Variants in MPV17 observed in about 807,000 individuals in gnomAD.
The protein encoded by MPV17 is mitochondrial inner membrane protein MPV17.
MPV17 carries 31 observed loss-of-function variants against 28.6 expected under a neutral mutation model. The ratio of observed to expected loss-of-function variants is 1.08; its 90% CI spans 0.81 to 1.46. MPV17 has a LOEUF of 1.46. Among genes scored for constraint, MPV17 ranks in the 40% most tolerant of loss-of-function variants. MPV17 has a pLI of 0.00. For missense variants in MPV17, 198 were observed against 216.2 expected (o/e 0.92, Z 0.53); for synonymous variants, 87 against 85.3 (o/e 1.02, Z -0.11).
chr2:27,310,028 G>A, intron 7 of MPV17, 47 bp from the exon 8 acceptor site: 1 of 1,447,412 alleles, frequency 6.9e-7, no homozygotes. Flanking sequence ...GCTAAGCAGT[G>A]AGCAAGGGCT....
intron 2 of MPV17, chr2:27,322,079 C>G: frequency 3.2e-6 from 1 of 315,856 alleles, no homozygotes; most frequent in Non-Finnish European, 6.1e-6. Flanking sequence ...AGTAACCCTC[C>G]TAGCTCACAC....
intron 2 of MPV17, among the ~76,000 whole-genome samples, chr2:27,318,507 G>A (rs543110159): frequency 1.3e-5 from 2 of 151,918 alleles, no homozygotes; most frequent in African/African-American, 4.8e-5. Flanking sequence ...ACAGGCATGC[G>A]CCACCATGCC....
chr2:27,322,103 C>A (rs1229185335), intron 2 of MPV17: 6 of 349,194 alleles, frequency 1.7e-5, no homozygotes, highest in Non-Finnish European at 2.2e-5. Context: ...TTTGTGGGGG[C>A]CCTATGCCAT....
intron 7 of MPV17, chr2:27,311,697 C>T (rs1328999003): frequency 2.6e-6 from 4 of 1,550,996 alleles, no homozygotes; most frequent in Non-Finnish European, 3.5e-6. Context: ...TGAAGAAGGT[C>T]AGTGGGCAGA....
intron 7 of MPV17, chr2:27,311,567 C>G (rs921898526): frequency 6.5e-6 from 10 of 1,549,806 alleles, no homozygotes; most frequent in Non-Finnish European, 8.7e-6. Context: ...TTCTGGTCTA[C>G]CTCTCTGTCT....
rs1292160881 is a variant in MPV17 at position 27,322,298 on chromosome 2, A to G, written c.70+150T>C. 3.9e-6 allele frequency: 3 copies of G among 777,132 alleles called. No individual in the cohort carries two copies. In the Admixed American group the frequency reaches 5.8e-5, roughly 15 times the overall value. 48.1% of individuals were successfully genotyped at this position (777,132 alleles called of 1,614,324 possible). A position where few individuals can be genotyped will look rare whatever the true frequency, so the allele number is the denominator to read the frequency against. ...AAACAGCCTTGGGGACCACCCTCCA[A>G]AACAGACTGGGGACAGTGTAGGATG... On this transcript the variant is annotated intron_variant, in intron 2 of 7. Coordinates refer to ENST00000380044, the MANE Select transcript of MPV17 (RefSeq NM_002437.5).
In MPV17 at chr2:27,317,736, G is replaced by A. The variant is rs998546061; in HGVS notation, c.71-4627C>T. ...GAGTAGACTAAGATGGATGAAGCTC[G>A]GCCCTGGGCCCACTGGAGAGTGGAA... is the stretch of plus-strand genomic sequence containing the variant. On this transcript the variant is annotated intron_variant, in intron 2 of 7. Transcript: ENST00000380044. The surrounding 1 kb of genome is among the most constrained non-coding windows in gnomAD (Gnocchi z 4.0). Among the ~76,000 whole-genome samples the A allele has an allele frequency of 1.3e-5, 2 of 152,192 alleles. No individual in the cohort carries two copies. The highest frequency in any genetic ancestry group is 2.9e-5 in the Non-Finnish European group (2 of 68,030).
At chr2:27,313,137 G>T in intron 2 of MPV17, 28 bp from the exon 3 acceptor site, 7 of 1,614,052 alleles carry the variant, frequency 4.3e-6, no homozygotes, top group Non-Finnish European at 5.9e-6. Flanking sequence ...GTGTTGTCAG[G>T]ACATCTCCTG....
intron 1 of MPV17, 125 bp from the exon 2 acceptor site, chr2:27,322,647 G>A: frequency 1.3e-6 from 1 of 761,796 alleles, no homozygotes; most frequent in Non-Finnish European, 2.3e-6. Flanking sequence ...AAGGGGCAGA[G>A]GCCACATGAA....
chr2:27,311,916 C>A lies in MPV17; in HGVS notation c.444G>T (p.Leu148=). The A allele has an allele frequency of 6.2e-7, 1 of 1,613,692 alleles. No individual in the cohort carries two copies. Among genetic ancestry groups the A allele is most frequent in the South Asian group, 1.1e-5 (1 of 90,926 alleles). The change falls in exon 7 of 8, where the codon CTG becomes CTT. Residue 148 remains leucine, a synonymous_variant. Transcript: ENST00000380044. ...WPAVQLANFY[L]VPLHYRLAVV... ...CAACATACCTGTAATGAAGGGGGAC[C>A]AGGTAGAAGTTGGCTAACTGCACAG...
chr2:27,312,297 C>CCACTT (rs1437269391), intron 5 of MPV17, 51 bp from the exon 6 acceptor site: 2 of 1,591,574 alleles, frequency 1.3e-6, no homozygotes, highest in African/African-American at 2.7e-5. Flanking sequence ...CAAGCAGCTC[C>CCACTT]CACTTCCCAG....
chr2:27,311,877 G>A (rs1679452925), intron 7 of MPV17, 22 bp downstream of exon 7: 16 of 1,612,960 alleles, frequency 9.9e-6, no homozygotes, highest in Non-Finnish European at 1.4e-5. Flanking sequence ...TCCTTGATGG[G>A]TGGGGTAGGG....
chr2:27,314,328 G>GA (rs1212038116), intron 2 of MPV17, among the ~76,000 whole-genome samples: 9 of 150,708 alleles, frequency 6.0e-5, no homozygotes, highest in South Asian at 4.2e-4. Context: ...ATCTCAAAAA[G>GA]AAAAAAAAAG....
intron 2 of MPV17, among the ~76,000 whole-genome samples, chr2:27,318,937 G>A (rs1679757036): frequency 2.0e-5 from 3 of 151,686 alleles, no homozygotes; most frequent in South Asian, 2.1e-4. Flanking sequence ...GCTAATTTTT[G>A]TATTTCTAGT....
At position 27,310,131 on chromosome 2, in the gene MPV17, A is replaced by C. The variant is rs1219846129; in HGVS notation, c.462-150T>G. On this transcript the variant is annotated intron_variant, in intron 7 of 7. Transcript: ENST00000380044. ...CTTCAGCACCTTTTTTTTGAGATGGAGTCTCCTCTGTTGCCCAGGCTGGAG... is the reference window on the plus strand; with the variant it reads ...CTTCAGCACCTTTTTTTTGAGATGGCGTCTCCTCTGTTGCCCAGGCTGGAG... 5 of 722,268 alleles carry C rather than the reference A, an allele frequency of 6.9e-6. No individual in the cohort carries two copies. In the East Asian group the frequency reaches 1.1e-4, roughly 16 times the overall value. The allele number at this position is 722,268 out of a possible 1,614,324, so 44.7% of individuals were successfully genotyped here. A position where few individuals can be genotyped will look rare whatever the true frequency, so the allele number is the denominator to read the frequency against.
In MPV17 at chr2:27,317,206, C is replaced by A; in HGVS notation, c.71-4097G>T. On this transcript the variant is annotated intron_variant, in intron 2 of 7. Coordinates refer to ENST00000380044, the MANE Select transcript of MPV17 (RefSeq NM_002437.5). The surrounding 1 kb of genome is among the most constrained non-coding windows in gnomAD (Gnocchi z 4.0). Reference sequence around the variant, plus strand: ...GGCAGGTATAGCTACTGGCATGGGGCCAGCAGTGCTGCCTTCCTCCCCAGA... The same window carrying A: ...GGCAGGTATAGCTACTGGCATGGGGACAGCAGTGCTGCCTTCCTCCCCAGA... The A allele has an allele frequency of 1.9e-6, 3 of 1,549,616 alleles. No individual in the cohort carries two copies. The highest frequency in any genetic ancestry group is 2.6e-6 in the Non-Finnish European group (3 of 1,146,584).
intron 7 of MPV17, chr2:27,311,591 G>T (rs1403761457): frequency 6.5e-7 from 1 of 1,550,378 alleles, no homozygotes; most frequent in African/African-American, 1.4e-5. Flanking sequence ...CTAGGCTGCA[G>T]CACCCCAGCC....
At chr2:27,314,013 G>A (rs1291061155) in intron 2 of MPV17, among the ~76,000 whole-genome samples, 3 of 152,166 alleles carry the variant, frequency 2.0e-5, no homozygotes, top group Non-Finnish European at 4.4e-5. Flanking sequence ...TGCCTGGCCA[G>A]AATAAATCTT....
chr2:27,312,744 A>G lies in MPV17; in HGVS notation c.215T>C (p.Val72Ala), dbSNP rs1455644245. 6.2e-7 allele frequency: 1 copy of G among 1,614,110 alleles called. No individual in the cohort carries two copies. Among genetic ancestry groups the G allele is most frequent in the East Asian group, 2.2e-5 (1 of 44,876 alleles). ...VGPVVGGWYK[V>A]LDRFIPGTTK... ...GGTGCCAGGGATGAACCGATCCAAA[A>G]CCTTGTACCAGCCTCCTACCACAGG... The change falls in exon 4 of 8, where the codon GTT (valine) becomes GCT (alanine). Residue 72 changes from valine (V) to alanine (A), a missense_variant. By Grantham distance (64) the Val-to-Ala change is moderately conservative. Coordinates refer to ENST00000380044, the MANE Select transcript of MPV17 (RefSeq NM_002437.5).
Sources: gnomAD v4.1 joint callset for allele counts (sites outside exome capture counted in the v4.1 genomes callset) on GRCh38, gnomAD v4.1.1 for gene constraint, Gnocchi (gnomAD v3.1) non-coding constraint, MANE v1.5 for transcripts, NCBI Gene and HGNC (gene_info 2026-07-23, HGNC 2026-07-21) for gene names.